B4GALNT1: variants seen among roughly 807,000 people sequenced by gnomAD.
B4GALNT1 encodes the protein beta-1,4 N-acetylgalactosaminyltransferase 1.
A neutral mutation model predicts 55.2 loss-of-function variants in B4GALNT1; 43 were observed. The observed-to-expected ratio is 0.78, with a 90% CI of 0.61 to 1.00. The LOEUF is 1.00. Among genes scored for constraint, B4GALNT1 ranks in the 50% least tolerant of loss-of-function variants. B4GALNT1 has a pLI of 0.00. For missense variants in B4GALNT1, 664 were observed against 729.7 expected, an observed-to-expected ratio of 0.91 and a Z score of 1.04; for synonymous variants, 305 against 311.6, an observed-to-expected ratio of 0.98 and a Z score of 0.22.
Position 57,630,213 on chromosome 12 carries a change from G to A in B4GALNT1, c.651C>T (p.Asn217=), listed in dbSNP as rs1370664611. 4 of 1,614,250 alleles carry A rather than the reference G, an allele frequency of 2.5e-6. No homozygotes were observed. Among genetic ancestry groups the A allele is most frequent in the East Asian group, 2.2e-5 (1 of 44,886 alleles). Residue 217 remains asparagine (N), a synonymous_variant, in exon 6 of 11, where the codon AAC becomes AAT. Coordinates refer to ENST00000341156, the MANE Select transcript of B4GALNT1 (RefSeq NM_001478.5). ...TLVSPGLDQL[N]RQLQLVTYSS... is the part of the protein sequence containing the mutation. ...TGTAAGTGACCAGTTGTAGTTGCCT[G>A]TTGAGTTGGTCCAGCCCTGGGCTGA...
Position 57,631,307 on chromosome 12 carries a change from G to A in B4GALNT1, c.276C>T (p.Pro92=). The part of the protein sequence containing the change: ...CESSGGGLPL[P]FQKQVRAIDL... ...CAATAGCTCGGACTTGTTTCTGGAA[G>A]GGGAGGGGGAGGCCCCCCCCACTGG... is the stretch of plus-strand genomic sequence containing the variant. The change falls in exon 3 of 11, where the codon CCC becomes CCT. Residue 92 remains proline, a synonymous_variant. Transcript: ENST00000341156. The A allele has an allele frequency of 1.2e-6, 2 of 1,614,096 alleles. No homozygotes were observed. The highest frequency in any genetic ancestry group is 1.7e-6 in the Non-Finnish European group (2 of 1,179,984).
In B4GALNT1 at chr12:57,632,069, G is replaced by T; in HGVS notation, c.64C>A (p.Leu22Ile). 6.9e-7 allele frequency: 1 copy of T among 1,443,404 alleles called. No homozygotes were observed. The highest frequency in any genetic ancestry group is 9.1e-7 in the Non-Finnish European group (1 of 1,096,280). The allele number at this position is 1,443,404 out of a possible 1,614,324, so 89.4% of individuals were successfully genotyped here. A position where few individuals can be genotyped will look rare whatever the true frequency, so the allele number is the denominator to read the frequency against. Residue 22 changes from leucine (L) to isoleucine (I), a missense_variant, in exon 2 of 11, where the codon CTC becomes ATC. Leu to Ile is a conservative substitution (Grantham distance 5). Coordinates refer to ENST00000341156, the MANE Select transcript of B4GALNT1 (RefSeq NM_001478.5). ...VLLLACASLGLLYASTRDAPG... is the reference protein window; with the variant it reads ...VLLLACASLGILYASTRDAPG... ...GCGTCCCGGGTGCTCGCGTACAGGA[G>T]CCCCAGCGAGGCGCAGGCGAGCAGA...
At chr12:57,628,458 T>G in intron 8 of B4GALNT1, 196 bp from the exon 9 acceptor site, 2 of 887,030 alleles carry the variant, frequency 2.3e-6, no homozygotes, top group Non-Finnish European at 3.3e-6. Flanking sequence ...AGAATGCGTT[T>G]AATTTCCGTG....
rs73347918 is a variant in B4GALNT1 at position 57,625,157 on chromosome 12, G to A, written c.*1587C>T. ...AAGCCAGATGGCCCAATGGTTGCAGGTGAGATGGGGTGACAAGAAGGAAGA... is the reference window on the plus strand; with the variant it reads ...AAGCCAGATGGCCCAATGGTTGCAGATGAGATGGGGTGACAAGAAGGAAGA... On this transcript the variant is annotated 3_prime_UTR_variant, in exon 11 of 11. Coordinates refer to ENST00000341156, the MANE Select transcript of B4GALNT1 (RefSeq NM_001478.5). 5 of 1,614,062 alleles carry A rather than the reference G, an allele frequency of 3.1e-6. No individual in the cohort carries two copies. The South Asian group carries it at 5.5e-5, about 18-fold the overall frequency.
intron 6 of B4GALNT1, 165 bp from the exon 7 acceptor site, chr12:57,629,311 A>C: frequency 1.9e-6 from 1 of 530,110 alleles, no homozygotes; most frequent in Non-Finnish European, 3.2e-6. Flanking sequence ...TGGGTAGGAG[A>C]AAAAACAACA....
rs775732698 is a variant in B4GALNT1 at position 57,627,604 on chromosome 12, G to C, written c.1384+14C>G. ...GGCTCCTGCCAGGGTCGACCGGGAGGGGGTGCCACTCACCCAGATGAGCCA... is the reference window on the plus strand; with the variant it reads ...GGCTCCTGCCAGGGTCGACCGGGAGCGGGTGCCACTCACCCAGATGAGCCA... On this transcript the variant is annotated intron_variant, in intron 10 of 10. Coordinates refer to ENST00000341156, the MANE Select transcript of B4GALNT1 (RefSeq NM_001478.5). The C allele has an allele frequency of 4.5e-6, 7 of 1,570,678 alleles. No homozygotes were observed. The Admixed American group carries it at 1.2e-4, about 27-fold the overall frequency.
At position 57,625,451 on chromosome 12, in the gene B4GALNT1, G is replaced by T. The variant is rs1884741778; in HGVS notation, c.*1293C>A. 1 of 1,614,084 alleles carries T rather than the reference G, an allele frequency of 6.2e-7. No homozygotes were observed. Among genetic ancestry groups the T allele is most frequent in the Non-Finnish European group, 8.5e-7 (1 of 1,180,042 alleles). ...GAGATGCTAGGATCCGCCTCCTCCT[G>T]GCTCAGTGTAATGGTGAGATGTGTG... is the stretch of plus-strand genomic sequence containing the variant. On this transcript the variant is annotated 3_prime_UTR_variant, in exon 11 of 11. Transcript: ENST00000341156.
intron 10 of B4GALNT1, among the ~76,000 whole-genome samples, chr12:57,627,345 A>G (rs1461310843): frequency 2.0e-5 from 3 of 152,032 alleles, no homozygotes; most frequent in Non-Finnish European, 4.4e-5. Context: ...ATACACATGT[A>G]ACAAACCTGC....
At position 57,625,377 on chromosome 12, in the gene B4GALNT1, C is replaced by A; in HGVS notation, c.*1367G>T. 1 of 1,614,110 alleles carries A rather than the reference C, an allele frequency of 6.2e-7. No homozygotes were observed. The highest frequency in any genetic ancestry group is 8.5e-7 in the Non-Finnish European group (1 of 1,180,014). Reference sequence around the variant, plus strand: ...TAGCATCTCACTCATACCCTCTGATCTGGGACTTAACCCCTTTGCCCCATC... The same window carrying A: ...TAGCATCTCACTCATACCCTCTGATATGGGACTTAACCCCTTTGCCCCATC... On this transcript the variant is annotated 3_prime_UTR_variant, in exon 11 of 11. Transcript: ENST00000341156.
Position 57,625,628 on chromosome 12 carries a change from G to C in B4GALNT1, c.*1116C>G. 6.3e-7 allele frequency: 1 copy of C among 1,593,288 alleles called. No homozygotes were observed. The highest frequency in any genetic ancestry group is 8.6e-7 in the Non-Finnish European group (1 of 1,169,046). On this transcript the variant is annotated 3_prime_UTR_variant, in exon 11 of 11. Transcript: ENST00000341156. ...CCCGGGTAGGACTCCTGGACAGGGT[G>C]ACTCCAGATCAGCTGTTTGTGAGTG... is the stretch of plus-strand genomic sequence containing the variant.
At position 57,627,626 on chromosome 12, in the gene B4GALNT1, G is replaced by C; in HGVS notation, c.1376C>G (p.Ala459Gly). The change falls in exon 10 of 11, where the codon GCT (alanine) becomes GGT (glycine). Residue 459 changes from alanine to glycine, a missense_variant. By Grantham distance (60) the Ala-to-Gly change is moderately conservative. Coordinates refer to ENST00000341156, the MANE Select transcript of B4GALNT1 (RefSeq NM_001478.5). Reference sequence around the variant, plus strand: ...GAGGGGGTGCCACTCACCCAGATGAGCCACGCGGCTGAGGCGGGGGTCGAA... The same window carrying C: ...GAGGGGGTGCCACTCACCCAGATGACCCACGCGGCTGAGGCGGGGGTCGAA... ...VGFDPRLSRVAHLEFFLDGLG... is the reference protein window; with the variant it reads ...VGFDPRLSRVGHLEFFLDGLG... 6.3e-7 allele frequency: 1 copy of C among 1,593,870 alleles called. No individual in the cohort carries two copies. Among genetic ancestry groups the C allele is most frequent in the Non-Finnish European group, 8.6e-7 (1 of 1,166,120 alleles).
chr12:57,631,771 A>G (rs1324256796), intron 2 of B4GALNT1, 144 bp downstream of exon 2: 5 of 881,616 alleles, frequency 5.7e-6, no homozygotes, highest in Non-Finnish European at 7.9e-6. Flanking sequence ...CCCAAGCCTC[A>G]GCAGCCTCCC....
intron 1 of B4GALNT1, chr12:57,632,504 G>C: frequency 2.9e-6 from 1 of 341,052 alleles, no homozygotes; most frequent in South Asian, 2.6e-5. Flanking sequence ...CGCCCGCCCT[G>C]GCCGGCGCGC....
rs1594969297 is a variant in B4GALNT1 at position 57,623,466 on chromosome 12, G to A, written c.*3278C>T. The A allele has an allele frequency of 2.3e-6, 1 of 443,860 alleles. No individual in the cohort carries two copies. Among genetic ancestry groups the A allele is most frequent in the African/African-American group, 2.0e-5 (1 of 50,096 alleles). 27.5% of individuals were successfully genotyped at this position (443,860 alleles called of 1,614,324 possible). On this transcript the variant is annotated 3_prime_UTR_variant, in exon 11 of 11. Coordinates refer to ENST00000341156, the MANE Select transcript of B4GALNT1 (RefSeq NM_001478.5). ...ACACAATGACATTGTCTTTTAAAAG[G>A]AATATCACATATCAAAGTCTCCCCC... is the stretch of plus-strand genomic sequence containing the variant.
Position 57,625,092 on chromosome 12 carries a change from G to C in B4GALNT1, c.*1652C>G. Reference sequence around the variant, plus strand: ...GGGGTGCATGTTCATGCTGTGTTTCGGGAGTGGTGACTGCCCTTCTTTACT... The same window carrying C: ...GGGGTGCATGTTCATGCTGTGTTTCCGGAGTGGTGACTGCCCTTCTTTACT... On this transcript the variant is annotated 3_prime_UTR_variant, in exon 11 of 11. Transcript: ENST00000341156. 6.2e-7 allele frequency: 1 copy of C among 1,614,076 alleles called. No homozygotes were observed. The highest frequency in any genetic ancestry group is 8.5e-7 in the Non-Finnish European group (1 of 1,179,978).
Position 57,624,761 on chromosome 12 carries a change from G to T in B4GALNT1, c.*1983C>A, listed in dbSNP as rs753472506. On this transcript the variant is annotated 3_prime_UTR_variant, in exon 11 of 11. Transcript: ENST00000341156. ...GGCACTTGGACAGGCTGAGGGGACA[G>T]AGCTCTACAGACCACTCAGAGGAAG... 2 of 1,028,920 alleles carry T rather than the reference G, an allele frequency of 1.9e-6. 1 individual carries two copies. Among genetic ancestry groups the T allele is most frequent in the South Asian group, 2.5e-5 (2 of 78,740 alleles). The allele number at this position is 1,028,920 out of a possible 1,614,324, so 63.7% of individuals were successfully genotyped here.
chr12:57,627,478 T>G (rs965639255), intron 10 of B4GALNT1, 140 bp downstream of exon 10: 5 of 1,024,830 alleles, frequency 4.9e-6, no homozygotes, highest in Non-Finnish European at 6.4e-6. Flanking sequence ...GGTGCAGGTC[T>G]TGGTAAATCA....
Position 57,624,507 on chromosome 12 carries a change from G to A in B4GALNT1, c.*2237C>T, listed in dbSNP as rs1444037002. 6.4e-6 allele frequency: 4 copies of A among 625,420 alleles called. No homozygotes were observed. In the African/African-American group the frequency reaches 7.2e-5, roughly 11 times the overall value. 38.7% of individuals were successfully genotyped at this position (625,420 alleles called of 1,614,324 possible). A position where few individuals can be genotyped will look rare whatever the true frequency, so the allele number is the denominator to read the frequency against. On this transcript the variant is annotated 3_prime_UTR_variant, in exon 11 of 11. Transcript: ENST00000341156. The stretch of plus-strand genomic sequence containing the variant: ...CCTATCCCTATCCTGCAGGCTGTGT[G>A]GATGGTCACCTGGGTGGCAGTAGTG...
intron 10 of B4GALNT1, 54 bp downstream of exon 10, chr12:57,627,564 G>T: frequency 6.5e-7 from 1 of 1,527,256 alleles, no homozygotes; most frequent in African/African-American, 1.4e-5. Flanking sequence ...GTGACCGTGC[G>T]CCAGCTCCCC....
Sources: allele counts gnomAD v4.1 joint callset (sites outside exome capture counted in the v4.1 genomes callset), GRCh38; gene constraint gnomAD v4.1.1; transcripts MANE v1.5; gene names NCBI Gene and HGNC (gene_info 2026-07-23, HGNC 2026-07-21).